SLC2A14: variants seen among roughly 807,000 people sequenced by gnomAD.
SLC2A14 encodes solute carrier family 2, facilitated glucose transporter member 14.
SLC2A14 carries 13 observed loss-of-function variants against 43.0 expected under a neutral mutation model. That is an observed-to-expected ratio of 0.30 (90% CI 0.20 to 0.48). The LOEUF (loss-of-function observed/expected upper bound fraction) is 0.48. Among genes scored for constraint, SLC2A14 ranks in the 20% least tolerant of loss-of-function variants. The probability of loss-of-function intolerance (pLI) is 0.99; values close to 1 mark genes in which losing one functional copy is unlikely to be tolerated. For missense variants in SLC2A14, 428 were observed against 620.4 expected, an observed-to-expected ratio of 0.69 and a Z score of 3.29; for synonymous variants, 190 against 233.8, an observed-to-expected ratio of 0.81 and a Z score of 1.71.
intron 2 of SLC2A14, among the ~76,000 whole-genome samples, chr12:7,863,199 C>T (rs1021464489): frequency 2.0e-5 from 3 of 152,074 alleles, no homozygotes; most frequent in Admixed American, 6.6e-5. Flanking sequence ...AAGGAACGAA[C>T]GACTCCTGAC....
chr12:7,824,643 G>C (rs1044960602), intron 7 of SLC2A14, among the ~76,000 whole-genome samples: 4 of 145,662 alleles, frequency 2.7e-5, no homozygotes, highest in Admixed American at 7.2e-5. Flanking sequence ...TGAGGCAGGA[G>C]AATCACTTGA....
rs968576472 is a variant in SLC2A14, at chr12:7,813,325, G to A, written c.*991C>T. 2.6e-5 allele frequency: 4 copies of A among 152,124 alleles called. No homozygotes were observed. The highest frequency in any genetic ancestry group is 7.2e-5 in the African/African-American group (3 of 41,498). The allele number at this position is 152,124 out of a possible 1,614,324, so 9.4% of individuals were successfully genotyped here. A position where few individuals can be genotyped will look rare whatever the true frequency, so the allele number is the denominator to read the frequency against. The stretch of plus-strand genomic sequence containing the variant: ...ATGGCTCTCCCACTAGATAGGTGGC[G>A]GGATTACTTCAAAAGTAATGAGACT... On this transcript the variant is annotated 3_prime_UTR_variant, in exon 11 of 11. Transcript: ENST00000431042.
chr12:7,843,500 A>G (rs956969207), intron 2 of SLC2A14, among the ~76,000 whole-genome samples: 1 of 132,992 alleles, frequency 7.5e-6, no homozygotes, highest in Non-Finnish European at 1.6e-5. Flanking sequence ...ATGAGAAAAT[A>G]TGGGAAAGTC....
At chr12:7,844,511 G>C (rs959689123) in intron 2 of SLC2A14, among the ~76,000 whole-genome samples, 7 of 150,074 alleles carry the variant, frequency 4.7e-5, no homozygotes, top group African/African-American at 1.5e-4. Flanking sequence ...AGATTGCTGG[G>C]TTGCTATTTT....
At chr12:7,884,076 A>C (rs1484455917) in intron 1 of SLC2A14, among the ~76,000 whole-genome samples, 1 of 146,674 alleles carries the variant, frequency 6.8e-6, no homozygotes, top group East Asian at 2.0e-4. Context: ...GGCGCCTGCC[A>C]CCACAACTGG....
chr12:7,888,810 A>AATG, intron 1 of SLC2A14, among the ~76,000 whole-genome samples: 1 of 147,100 alleles, frequency 6.8e-6, no homozygotes, highest in South Asian at 2.1e-4. Context: ...AAAAAAAAAA[A>AATG]AAAAAGAAAA....
At chr12:7,827,829 G>C (rs1376569270) in intron 6 of SLC2A14, 147 bp from the exon 7 acceptor site, 2 of 1,469,428 alleles carry the variant, frequency 1.4e-6, no homozygotes, top group Non-Finnish European at 1.8e-6. Flanking sequence ...CATTCTTTAG[G>C]GGCTGAAAAT....
chr12:7,843,213 C>T (rs1866140718), intron 2 of SLC2A14, among the ~76,000 whole-genome samples: 1 of 150,264 alleles, frequency 6.7e-6, no homozygotes, highest in South Asian at 2.1e-4. Context: ...TTATGTCTTC[C>T]TGAGGAAGGC....
At chr12:7,821,536 A>C (rs1046891731) in intron 7 of SLC2A14, among the ~76,000 whole-genome samples, 1 of 152,158 alleles carries the variant, frequency 6.6e-6, no homozygotes, top group Non-Finnish European at 1.5e-5. Flanking sequence ...TATAAAAATT[A>C]GCTAGGCATG....
At chr12:7,888,983 A>G (rs1945733938) in intron 1 of SLC2A14, among the ~76,000 whole-genome samples, 1 of 152,040 alleles carries the variant, frequency 6.6e-6, no homozygotes, top group Non-Finnish European at 1.5e-5. Context: ...GATCAAATAT[A>G]TACATACACA....
At chr12:7,872,062 A>C (rs1204529249) in intron 1 of SLC2A14, 5 of 294,092 alleles carry the variant, frequency 1.7e-5, no homozygotes, top group Non-Finnish European at 2.0e-5. Flanking sequence ...GGAAATTCTA[A>C]ATTTAGTCTG....
chr12:7,815,455 ATTTCAATC>A (rs1863354355), intron 10 of SLC2A14, among the ~76,000 whole-genome samples: 1 of 152,054 alleles, frequency 6.6e-6, no homozygotes, highest in Non-Finnish European at 1.5e-5. Flanking sequence ...TTGCCATCCC[ATTTCAATC>A]TTTTCTGCCG....
At chr12:7,863,981 A>T (rs1004490476) in intron 2 of SLC2A14, among the ~76,000 whole-genome samples, 1 of 151,488 alleles carries the variant, frequency 6.6e-6, no homozygotes, top group African/African-American at 2.4e-5. Context: ...ATGCCTGGCT[A>T]ATTTTTTGTG....
chr12:7,816,076 AT>A lies in SLC2A14; in HGVS notation c.1276-1543del, dbSNP rs1439558650. ...CCACCACACCCAGCTAATTTCTTGAATTTTTATTTTTTATTTTTTTTATTTT... is the reference window on the plus strand; with the variant it reads ...CCACCACACCCAGCTAATTTCTTGAATTTTATTTTTTATTTTTTTTATTTT... On this transcript the variant is annotated intron_variant, in intron 10 of 10. Coordinates refer to ENST00000431042, the MANE Select transcript of SLC2A14 (RefSeq NM_001286234.2). 2.8e-5 allele frequency among the ~76,000 whole-genome samples: 3 copies of A among 108,228 alleles called. 1 individual carries two copies. The highest frequency in any genetic ancestry group is 5.5e-5 in the Non-Finnish European group (3 of 55,004). 71.0% of individuals were successfully genotyped at this position (108,228 alleles called of 152,430 possible). A position where few individuals can be genotyped will look rare whatever the true frequency, so the allele number is the denominator to read the frequency against.
intron 10 of SLC2A14, among the ~76,000 whole-genome samples, chr12:7,817,296 G>A (rs1440973851): frequency 6.6e-6 from 1 of 151,936 alleles, no homozygotes; most frequent in Non-Finnish European, 1.5e-5. Context: ...TGCATTTTTA[G>A]TAGAGACAGG....
intron 10 of SLC2A14, 143 bp downstream of exon 10, chr12:7,817,688 C>T: frequency 1.0e-6 from 1 of 1,000,592 alleles, no homozygotes; most frequent in South Asian, 1.9e-5. Flanking sequence ...AATCGCTTGT[C>T]AGTGAGCTGA....
chr12:7,826,861 T>TCTTCTTTCTTTC (rs1555121667), intron 7 of SLC2A14, among the ~76,000 whole-genome samples: 1 of 60,268 alleles, frequency 1.7e-5, no homozygotes, highest in African/African-American at 7.9e-5. Context: ...TTCCTTTCTT[T>TCTTCTTTCTTTC]TTTCTTTCTT....
chr12:7,845,929 C>CA (rs1326760835), intron 2 of SLC2A14, among the ~76,000 whole-genome samples: 5 of 150,814 alleles, frequency 3.3e-5, no homozygotes, highest in Admixed American at 3.3e-4. Context: ...CCATCTCTAT[C>CA]AAAAATACAA....
Position 7,836,314 on chromosome 12 carries a change from C to T in SLC2A14, c.19-3500G>A, listed in dbSNP as rs746082548. Among the ~76,000 whole-genome samples the T allele has an allele frequency of 8.0e-4, 121 of 152,048 alleles. 1 individual carries two copies. The highest frequency in any genetic ancestry group is 2.7e-3 in the African/African-American group (110 of 41,488). On this transcript the variant is annotated intron_variant, in intron 2 of 10. Coordinates refer to ENST00000431042, the MANE Select transcript of SLC2A14 (RefSeq NM_001286234.2). ...CAGCTCACTGCAACCTCTGCCTCCCCGGTTCAAGCAGTTCTCCTGCCTCAG... is the reference window on the plus strand; with the variant it reads ...CAGCTCACTGCAACCTCTGCCTCCCTGGTTCAAGCAGTTCTCCTGCCTCAG...
Sources: gnomAD v4.1 joint callset for allele counts (sites outside exome capture counted in the v4.1 genomes callset) on GRCh38, gnomAD v4.1.1 for gene constraint, MANE v1.5 for transcripts, NCBI Gene and HGNC (gene_info 2026-07-23, HGNC 2026-07-21) for gene names.